Variants in NDST4 observed in about 807,000 individuals in gnomAD.
NDST4 encodes the protein N-heparan sulfate sulfotransferase 4.
NDST4 carries 63 observed loss-of-function variants against 100.8 expected under a neutral mutation model. That is an observed-to-expected ratio of 0.62 (90% confidence interval 0.51 to 0.77). NDST4 has a LOEUF of 0.77. Among genes scored for constraint, NDST4 ranks in the 30% least tolerant of loss-of-function variants. The pLI, the probability that NDST4 is intolerant of heterozygous loss-of-function variation, is 0.00. For synonymous variants in NDST4, 377 were observed against 361.8 expected (o/e 1.04, Z -0.48); for missense variants, 943 against 1,018.4 (o/e 0.93, Z 1.01).
intron 4 of NDST4, 140 bp downstream of exon 4, chr4:114,970,290 G>T (rs1239183989): frequency 1.5e-6 from 1 of 655,374 alleles, no homozygotes; most frequent in Non-Finnish European, 2.4e-6. Flanking sequence ...AAAGTTATAT[G>T]TACCCTCAAT....
intron 4 of NDST4, among the ~76,000 whole-genome samples, chr4:114,943,743 T>C (rs1350285664): frequency 6.6e-6 from 1 of 152,188 alleles, no homozygotes; most frequent in Non-Finnish European, 1.5e-5. Flanking sequence ...CTTTGCCAAG[T>C]ATTAGTTGTA....
chr4:115,006,861 T>A (rs1235054173), intron 2 of NDST4, among the ~76,000 whole-genome samples: 1 of 152,070 alleles, frequency 6.6e-6, no homozygotes, highest in Admixed American at 6.6e-5. Context: ...ATGGTGTGAA[T>A]GGAGAAAGGC....
intron 6 of NDST4, among the ~76,000 whole-genome samples, chr4:114,889,735 G>A (rs974927449): frequency 6.6e-6 from 1 of 152,136 alleles, no homozygotes; most frequent in Admixed American, 6.6e-5. Context: ...TGACTGGGGG[G>A]AGAAAAAGCA....
At chr4:114,905,597 ATAAT>A (rs1363331188) in intron 6 of NDST4, among the ~76,000 whole-genome samples, 3 of 151,948 alleles carry the variant, frequency 2.0e-5, no homozygotes, top group Non-Finnish European at 2.9e-5. Flanking sequence ...CTTGCAAATG[ATAAT>A]TAATTAACAT....
intron 6 of NDST4, among the ~76,000 whole-genome samples, chr4:114,900,945 G>A (rs1023047109): frequency 4.6e-5 from 7 of 151,890 alleles, no homozygotes; most frequent in South Asian, 4.2e-4. Context: ...AACATTTTGG[G>A]GTTTTCTAGC....
chr4:114,871,055 A>T (rs1022048714), intron 6 of NDST4, 105 bp from the exon 7 acceptor site: 2 of 668,000 alleles, frequency 3.0e-6, no homozygotes, highest in East Asian at 6.3e-5. Context: ...ATTTCACAAG[A>T]AGTACAATGA....
intron 4 of NDST4, among the ~76,000 whole-genome samples, chr4:114,958,543 G>T (rs904785525): frequency 2.0e-5 from 3 of 152,140 alleles, no homozygotes; most frequent in African/African-American, 7.2e-5. Context: ...TGAAGCAACG[G>T]CTTGAGCAGT....
At chr4:114,968,308 G>A (rs879452943) in intron 4 of NDST4, among the ~76,000 whole-genome samples, 4 of 152,196 alleles carry the variant, frequency 2.6e-5, no homozygotes, top group Admixed American at 2.6e-4. Flanking sequence ...AACAGTTTAA[G>A]TTAGGAGTTC....
intron 2 of NDST4, among the ~76,000 whole-genome samples, chr4:114,986,832 A>ATATATATATATTTTTTTTTTT: frequency 3.2e-5 from 3 of 94,664 alleles, no homozygotes; most frequent in South Asian, 4.2e-4. Context: ...ATATATATAT[A>ATATATATATATTTTTTTTTTT]TTTTAATATA....
chr4:115,072,213 T>C (rs1729092305), intron 2 of NDST4, among the ~76,000 whole-genome samples: 1 of 151,960 alleles, frequency 6.6e-6, no homozygotes, highest in Non-Finnish European at 1.5e-5. Context: ...AAGGCACCAA[T>C]AAATGGAAAG....
chr4:115,077,334 T>C (rs1211014913), intron 1 of NDST4, 52 bp from the exon 2 acceptor site: 2 of 172,248 alleles, frequency 1.2e-5, no homozygotes, highest in South Asian at 1.5e-4. Flanking sequence ...AATATAAATA[T>C]TTATTTCTAT....
At chr4:115,001,411 T>A (rs906279800) in intron 2 of NDST4, among the ~76,000 whole-genome samples, 4 of 152,014 alleles carry the variant, frequency 2.6e-5, no homozygotes, top group African/African-American at 9.7e-5. Flanking sequence ...CAACCATTAG[T>A]TTCCCCACCT....
intron 1 of NDST4, among the ~76,000 whole-genome samples, chr4:115,097,623 G>C (rs1310111335): frequency 6.6e-6 from 1 of 152,016 alleles, no homozygotes; most frequent in East Asian, 1.9e-4. Flanking sequence ...CTTTCTAATT[G>C]ATCTCTGCCT....
chr4:114,842,271 C>T (rs763500360), intron 10 of NDST4, among the ~76,000 whole-genome samples: 3 of 152,002 alleles, frequency 2.0e-5, no homozygotes, highest in Admixed American at 6.6e-5. Context: ...AAACTATCAC[C>T]CTCTTTTCAT....
At chr4:114,834,676 A>G (rs1723274053) in intron 11 of NDST4, among the ~76,000 whole-genome samples, 1 of 152,150 alleles carries the variant, frequency 6.6e-6, no homozygotes. Flanking sequence ...CTGGCCTTAT[A>G]AAATGAGTTA....
In NDST4 at chr4:115,059,637, CT is replaced by C. The variant is rs1728776771; in HGVS notation, c.978+16421del. 2.6e-5 allele frequency among the ~76,000 whole-genome samples: 4 copies of C among 152,136 alleles called. No individual in the cohort carries two copies. In the South Asian group the frequency reaches 6.2e-4, roughly 24 times the overall value. On this transcript the variant is annotated intron_variant, in intron 2 of 13. Coordinates refer to ENST00000264363, the MANE Select transcript of NDST4 (RefSeq NM_022569.3). ...ACATTTTTTCATACAGACCATCTATCTTTTAACCCGCTTTTTCTAGTCTTTC... is the reference window on the plus strand; with the variant it reads ...ACATTTTTTCATACAGACCATCTATCTTTAACCCGCTTTTTCTAGTCTTTC...
At position 115,033,151 on chromosome 4, in the gene NDST4, ATATATATT is replaced by A. The variant is rs1326989699; in HGVS notation, c.978+42900_978+42907del. ...TATGTGTATATATATATATATATAT[ATATATATT>A]TTTTTTTTTTTTGAAACAGGGTCTC... On this transcript the variant is annotated intron_variant, in intron 2 of 13. Coordinates refer to ENST00000264363, the MANE Select transcript of NDST4 (RefSeq NM_022569.3). Among the ~76,000 whole-genome samples, 299 of 97,072 alleles carry A rather than the reference ATATATATT, an allele frequency of 3.1e-3. 1 individual carries two copies. Among genetic ancestry groups the A allele is most frequent in the East Asian group, 0.021 (48 of 2,316 alleles). 63.7% of individuals were successfully genotyped at this position (97,072 alleles called of 152,430 possible).
intron 6 of NDST4, among the ~76,000 whole-genome samples, chr4:114,906,372 C>A (rs761971715): frequency 2.0e-5 from 3 of 150,266 alleles, no homozygotes; most frequent in Non-Finnish European, 4.4e-5. Context: ...TCTTCTCTAG[C>A]GGCATTTTTT....
chr4:114,909,152 AATT>A (rs1302527517), intron 6 of NDST4, among the ~76,000 whole-genome samples: 1 of 152,196 alleles, frequency 6.6e-6, no homozygotes, highest in Non-Finnish European at 1.5e-5. Flanking sequence ...ATTTATCAAA[AATT>A]ATCTCCTCCT....
Sources: allele counts gnomAD v4.1 joint callset (sites outside exome capture counted in the v4.1 genomes callset), GRCh38; gene constraint gnomAD v4.1.1; transcripts MANE v1.5; gene names NCBI Gene and HGNC (gene_info 2026-07-23, HGNC 2026-07-21).